The following PKHD1L1 variants were observed in gnomAD, a reference collection of about 807,000 sequenced individuals.
The protein encoded by PKHD1L1 is PKHD1 like 1, also known as fibrocystin-L.
A neutral mutation model predicts 462.9 loss-of-function variants in PKHD1L1; 434 were observed. That is an observed-to-expected ratio of 0.94 (90% CI 0.87 to 1.02). PKHD1L1 has a LOEUF of 1.02. PKHD1L1 is among the 50% of genes least tolerant of loss of function. The pLI, the probability that PKHD1L1 is intolerant of heterozygous loss-of-function variation, is 0.00. For missense variants in PKHD1L1, 5,202 were observed against 5,096.1 expected, an observed-to-expected ratio of 1.02 and a Z score of -0.63; for synonymous variants, 1,781 against 1,750.0, an observed-to-expected ratio of 1.02 and a Z score of -0.44.
At position 109,534,876 on chromosome 8, in the gene PKHD1L1, G is replaced by A. The variant is rs1821114017; in HGVS notation, c.*4786G>A. On this transcript the variant is annotated 3_prime_UTR_variant, in exon 78 of 78. Transcript: ENST00000378402. The stretch of plus-strand genomic sequence containing the variant: ...GTCATGGAGAAACTGTTCTAAGAAC[G>A]CCATTCACCCATGAATGTGACTTTA... Among the ~76,000 whole-genome samples, 2 of 150,746 alleles carry A rather than the reference G, an allele frequency of 1.3e-5. No homozygotes were observed. Among genetic ancestry groups the A allele is most frequent in the Non-Finnish European group, 2.9e-5 (2 of 67,824 alleles).
rs1563575880 is a variant in PKHD1L1, at chr8:109,465,243, CAGG to C, written c.8412_8413+1del. ...ATGATTGATGTTGATGGCTCACTTA[CAGG>C]TAATGTTATTTTTTAATTTGTGATA... On this transcript the variant is annotated splice_donor_variant and coding_sequence_variant, in exon 49 of 78. Coordinates refer to ENST00000378402, the MANE Select transcript of PKHD1L1 (RefSeq NM_177531.6). LOFTEE classifies it high-confidence loss of function. 3 of 1,607,036 alleles carry C rather than the reference CAGG, an allele frequency of 1.9e-6. No individual in the cohort carries two copies. The highest frequency in any genetic ancestry group is 3.4e-5 in the Admixed American group (2 of 59,156).
chr8:109,529,040 A>T (rs1310925943), intron 77 of PKHD1L1, among the ~76,000 whole-genome samples: 1 of 152,194 alleles, frequency 6.6e-6, no homozygotes, highest in Non-Finnish European at 1.5e-5. Context: ...AGGTGGGGTA[A>T]CAATTTAGAA....
chr8:109,419,307 T>G (rs1814347206), intron 22 of PKHD1L1, 47 bp downstream of exon 22: 1 of 1,426,466 alleles, frequency 7.0e-7, no homozygotes, highest in South Asian at 1.5e-5. Context: ...TATAGTAAAA[T>G]CTTACCATGG....
chr8:109,487,731 A>G (rs1208000129), intron 59 of PKHD1L1, among the ~76,000 whole-genome samples: 1 of 151,778 alleles, frequency 6.6e-6, no homozygotes, highest in African/African-American at 2.4e-5. Context: ...GTCAAGAATT[A>G]TGCCAGACAG....
chr8:109,451,004 A>C lies in PKHD1L1; in HGVS notation c.6205A>C (p.Ser2069Arg), dbSNP rs1371361889. 1 of 1,612,618 alleles carries C rather than the reference A, an allele frequency of 6.2e-7. No homozygotes were observed. Among genetic ancestry groups the C allele is most frequent in the Admixed American group, 1.7e-5 (1 of 59,950 alleles). Residue 2069 changes from serine (S) to arginine (R), a missense_variant, in exon 41 of 78, where the codon AGT (serine) becomes CGT (arginine). By Grantham distance (110) the Ser-to-Arg change is moderately radical (BLOSUM62 -1). Transcript: ENST00000378402. Reference protein sequence around the residue: ...GTGAEQACEVSVVNGKDLSQS... With the variant: ...GTGAEQACEVRVVNGKDLSQS... Reference sequence around the variant, plus strand: ...GGGAGCTGAGCAAGCCTGTGAAGTGAGTGTGGTTAATGGGAAAGATTTGTC... The same window carrying C: ...GGGAGCTGAGCAAGCCTGTGAAGTGCGTGTGGTTAATGGGAAAGATTTGTC...
intron 35 of PKHD1L1, among the ~76,000 whole-genome samples, chr8:109,442,707 C>T (rs1164681280): frequency 6.6e-6 from 1 of 152,020 alleles, no homozygotes; most frequent in Admixed American, 6.6e-5. Flanking sequence ...GCCAGACTTG[C>T]CATGGTTTTC....
At position 109,427,173 on chromosome 8, in the gene PKHD1L1, T is replaced by C. The variant is rs564333094; in HGVS notation, c.3000+17T>C. 6.3e-7 allele frequency: 1 copy of C among 1,595,996 alleles called. No individual in the cohort carries two copies. Among genetic ancestry groups the C allele is most frequent in the Admixed American group, 1.7e-5 (1 of 59,510 alleles). ...CTTCTACAGGTTCCCTCATTTGGCT[T>C]GGCTTCTCTTTTCTTCTATGTGCTG... On this transcript the variant is annotated intron_variant, in intron 25 of 77. Transcript: ENST00000378402.
At position 109,454,867 on chromosome 8, in the gene PKHD1L1, T is replaced by G. The variant is rs748273650; in HGVS notation, c.6874+15T>G. On this transcript the variant is annotated intron_variant, in intron 45 of 77. Transcript: ENST00000378402. ...GGATCTGCACGGTACTGTGGCCAAGTGGCTAAGGGAGTTGGTAGAGGAAGA... is the reference window on the plus strand; with the variant it reads ...GGATCTGCACGGTACTGTGGCCAAGGGGCTAAGGGAGTTGGTAGAGGAAGA... The G allele has an allele frequency of 3.6e-5, 58 of 1,605,006 alleles. No individual in the cohort carries two copies. The highest frequency in any genetic ancestry group is 3.3e-4 in the Middle Eastern group (2 of 6,024).
At position 109,444,949 on chromosome 8, in the gene PKHD1L1, C is replaced by T. The variant is rs772674972; in HGVS notation, c.5080C>T (p.Leu1694Phe). 1 of 1,613,984 alleles carries T rather than the reference C, an allele frequency of 6.2e-7. No individual in the cohort carries two copies. The highest frequency in any genetic ancestry group is 2.2e-5 in the East Asian group (1 of 44,882). ...CGTTTCTTCTGCAGGTGTAAAAGTC[C>T]TTATGGGTCATTTCCCATGTAAAGT... The part of the protein sequence containing the change: ...FAVSSAGVKV[L>F]MGHFPCKVLS... Residue 1694 changes from leucine to phenylalanine, a missense_variant, in exon 38 of 78, where the codon CTT (leucine) becomes TTT (phenylalanine). Physicochemically the swap from Leu to Phe is conservative, Grantham distance 22. Coordinates refer to ENST00000378402, the MANE Select transcript of PKHD1L1 (RefSeq NM_177531.6).
chr8:109,446,539 T>C (rs1816151746), intron 38 of PKHD1L1, among the ~76,000 whole-genome samples: 1 of 152,208 alleles, frequency 6.6e-6, no homozygotes, highest in African/African-American at 2.4e-5. Context: ...CACAGGGAAA[T>C]GTATCAGGTT....
chr8:109,377,975 T>C (rs13253951), intron 2 of PKHD1L1, among the ~76,000 whole-genome samples: 46,180 of 152,078 alleles, frequency 0.3, 7,647 homozygotes, highest in Admixed American at 0.44. Context: ...GTCTCTGTTT[T>C]GCATTACCCT....
intron 68 of PKHD1L1, 99 bp downstream of exon 68, chr8:109,504,591 G>C: frequency 1.5e-6 from 1 of 665,212 alleles, no homozygotes; most frequent in Non-Finnish European, 2.3e-6. Flanking sequence ...TAAAATAACT[G>C]CCAGTTTTTA....
intron 77 of PKHD1L1, among the ~76,000 whole-genome samples, chr8:109,528,092 C>T (rs930039320): frequency 5.9e-5 from 9 of 152,032 alleles, no homozygotes; most frequent in African/African-American, 1.7e-4. Context: ...AAAAGGGAGA[C>T]GTCCCTATAT....
chr8:109,529,196 A>G (rs1201676815), intron 77 of PKHD1L1, among the ~76,000 whole-genome samples: 1 of 152,228 alleles, frequency 6.6e-6, no homozygotes, highest in Non-Finnish European at 1.5e-5. Flanking sequence ...ATGAATAGCC[A>G]GAAAACAAGA....
In PKHD1L1 at chr8:109,504,417, C is replaced by T; in HGVS notation, c.10919C>T (p.Pro3640Leu). The T allele has an allele frequency of 3.8e-6, 6 of 1,563,300 alleles. No individual in the cohort carries two copies. The highest frequency in any genetic ancestry group is 5.2e-6 in the Non-Finnish European group (6 of 1,145,118). ...TNPLNEDLQH[P>L]IHVKNIKLVD... ...CCTTTAAATGAGGATTTACAGCATC[C>T]AATCCATGTGAAGAATATAAAACTG... Residue 3640 changes from proline to leucine, a missense_variant, in exon 68 of 78, where the codon CCA becomes CTA. Transcript: ENST00000378402.
In PKHD1L1 at chr8:109,482,988, G is replaced by T; in HGVS notation, c.9459G>T (p.Gly3153=). ...TAGGAGTGTGCTTTTCTTCTTTAGG[G>T]GTGTTTGGTGAGCTGGATCTTCATG... ...EGPNQGAKVL[G]VFGELDLHGI... Residue 3153 remains glycine (G), a splice_region_variant and synonymous_variant, in exon 57 of 78, where the codon GGG becomes GGT. Coordinates refer to ENST00000378402, the MANE Select transcript of PKHD1L1 (RefSeq NM_177531.6). The T allele has an allele frequency of 1.3e-6, 2 of 1,581,412 alleles. No individual in the cohort carries two copies. Among genetic ancestry groups the T allele is most frequent in the Non-Finnish European group, 1.7e-6 (2 of 1,163,136 alleles).
At chr8:109,440,936 A>C (rs954705199) in intron 33 of PKHD1L1, 84 bp downstream of exon 33, 1 of 1,438,690 alleles carries the variant, frequency 7.0e-7, no homozygotes, top group Admixed American at 2.3e-5. Flanking sequence ...TTATATGAAT[A>C]TTCTAAATCA....
intron 32 of PKHD1L1, among the ~76,000 whole-genome samples, chr8:109,439,393 G>T (rs1815641158): frequency 6.6e-6 from 1 of 152,100 alleles, no homozygotes; most frequent in Non-Finnish European, 1.5e-5. Context: ...GCTCAGTGTT[G>T]CTGGCTGGAT....
At position 109,531,396 on chromosome 8, in the gene PKHD1L1, A is replaced by G. The variant is rs1821037688; in HGVS notation, c.*1306A>G. On this transcript the variant is annotated 3_prime_UTR_variant, in exon 78 of 78. Transcript: ENST00000378402. ...TTCAGGATATTTGGGGAAAGAATGGAAACAGACCATTTCAATACAACATGA... is the reference window on the plus strand; with the variant it reads ...TTCAGGATATTTGGGGAAAGAATGGGAACAGACCATTTCAATACAACATGA... Among the ~76,000 whole-genome samples, 1 of 152,194 alleles carries G rather than the reference A, an allele frequency of 6.6e-6. No homozygotes were observed. The highest frequency in any genetic ancestry group is 1.5e-5 in the Non-Finnish European group (1 of 68,036).
Sources: allele counts gnomAD v4.1 joint callset (sites outside exome capture counted in the v4.1 genomes callset), GRCh38; gene constraint gnomAD v4.1.1; transcripts MANE v1.5; gene names NCBI Gene and HGNC (gene_info 2026-07-23, HGNC 2026-07-21).